The following ARIH1 variants were observed in gnomAD, a reference collection of about 807,000 sequenced individuals.
ARIH1 encodes the protein ariadne RBR E3 ubiquitin protein ligase 1, also known as E3 ubiquitin-protein ligase ARIH1.
In ARIH1, 8 loss-of-function variants were observed where a neutral mutation model predicts 85.0. The ratio of observed to expected loss-of-function variants is 0.09; its 90% confidence interval spans 0.06 to 0.17. The LOEUF is 0.17. ARIH1 is among the 10% of genes least tolerant of loss of function. ARIH1 has a pLI of 1.00. For synonymous variants in ARIH1, 238 were observed against 253.6 expected, an observed-to-expected ratio of 0.94 and a Z score of 0.59; for missense variants, 311 against 718.1, an observed-to-expected ratio of 0.43 and a Z score of 6.48.
At chr15:72,540,940 T>G (rs2064104325) in intron 2 of ARIH1, among the ~76,000 whole-genome samples, 1 of 152,040 alleles carries the variant, frequency 6.6e-6, no homozygotes. Flanking sequence ...ATAGTAAAAG[T>G]GTTGATGTGA....
intron 1 of ARIH1, among the ~76,000 whole-genome samples, chr15:72,484,037 G>A (rs2140392278): frequency 6.6e-6 from 1 of 152,016 alleles, no homozygotes; most frequent in East Asian, 1.9e-4. Flanking sequence ...GCCGGGCATG[G>A]TGGTGGGCGC....
intron 1 of ARIH1, among the ~76,000 whole-genome samples, chr15:72,508,446 A>G (rs73444736): frequency 0.039 from 5,864 of 152,306 alleles, 338 homozygotes; most frequent in African/African-American, 0.13. Context: ...TGGTGCTATA[A>G]TCATAAATTA....
At chr15:72,516,420 G>T (rs1047918869) in intron 1 of ARIH1, among the ~76,000 whole-genome samples, 1 of 33,112 alleles carries the variant, frequency 3.0e-5, no homozygotes, top group African/African-American at 4.0e-5. Flanking sequence ...TAATTTCTGA[G>T]TTCTTTTAAA....
chr15:72,571,890 A>T (rs2064249220), intron 10 of ARIH1, among the ~76,000 whole-genome samples: 1 of 152,164 alleles, frequency 6.6e-6, no homozygotes, highest in Non-Finnish European at 1.5e-5. Flanking sequence ...TATAGAGAGA[A>T]TTCAAACACT....
At position 72,474,691 on chromosome 15, in the gene ARIH1, A is replaced by G. The variant is rs890255198; in HGVS notation, c.52A>G (p.Ser18Gly). Residue 18 changes from serine to glycine, a missense_variant, in exon 1 of 14, where the codon AGT (serine) becomes GGT (glycine). Ser to Gly is a moderately conservative substitution (Grantham distance 56). Coordinates refer to ENST00000379887, the MANE Select transcript of ARIH1 (RefSeq NM_005744.5). The stretch of plus-strand genomic sequence containing the variant: ...CGAGTTCGACGAGGACGAGGAGTGC[A>G]GTGAGGAGGACAGCGGCGCCGAGGA... ...NYEFDEDEEC[S>G]EEDSGAEEEE... 1.3e-6 allele frequency: 2 copies of G among 1,573,968 alleles called. No individual in the cohort carries two copies. Among genetic ancestry groups the G allele is most frequent in the Non-Finnish European group, 1.7e-6 (2 of 1,161,542 alleles).
At position 72,526,147 on chromosome 15, in the gene ARIH1, T is replaced by C. The variant is rs181004130; in HGVS notation, c.443+8013T>C. ...TATTAAAGTGTCATTTCTCCTTATT[T>C]CGATATATTTAAAGATAAATCTTAT... On this transcript the variant is annotated intron_variant, in intron 2 of 13. Transcript: ENST00000379887. Among the ~76,000 whole-genome samples, 22 of 152,334 alleles carry C rather than the reference T, an allele frequency of 1.4e-4. No homozygotes were observed. In the East Asian group the frequency reaches 3.3e-3, roughly 23 times the overall value.
In ARIH1 at chr15:72,598,727, A is replaced by AAT. The variant is rs1212154654; in HGVS notation, c.*15436_*15437insTA. On this transcript the variant is annotated 3_prime_UTR_variant, in exon 14 of 14. Transcript: ENST00000379887. ...AGACTCCCTCTCAAAAAAAAAAAAA[A>AAT]AAATTTTTTTTTAAACACGTCTCAC... is the stretch of plus-strand genomic sequence containing the variant. 1 of 151,482 alleles carries AAT rather than the reference A, an allele frequency of 6.6e-6. No individual in the cohort carries two copies. The highest frequency in any genetic ancestry group is 2.4e-5 in the African/African-American group (1 of 41,306). 9.4% of individuals were successfully genotyped at this position (151,482 alleles called of 1,614,324 possible). A position where few individuals can be genotyped will look rare whatever the true frequency, so the allele number is the denominator to read the frequency against.
intron 1 of ARIH1, among the ~76,000 whole-genome samples, chr15:72,494,993 A>G (rs570067036): frequency 2.0e-5 from 3 of 152,286 alleles, no homozygotes; most frequent in East Asian, 3.9e-4. Context: ...GCTTTAAGCA[A>G]CTTTCATTTA....
rs1035558512 is a variant in ARIH1 at position 72,584,110 on chromosome 15, A to G, written c.*818A>G. ...TAGCACCTCTGGAAGACCTATCTAG[A>G]GCTCTTTCACTTTCCTGAGGTTATT... On this transcript the variant is annotated 3_prime_UTR_variant, in exon 14 of 14. Coordinates refer to ENST00000379887, the MANE Select transcript of ARIH1 (RefSeq NM_005744.5). 1 of 152,040 alleles carries G rather than the reference A, an allele frequency of 6.6e-6. No homozygotes were observed. The highest frequency in any genetic ancestry group is 2.1e-4 in the South Asian group (1 of 4,822). The allele number at this position is 152,040 out of a possible 1,614,324, so 9.4% of individuals were successfully genotyped here. A position where few individuals can be genotyped will look rare whatever the true frequency, so the allele number is the denominator to read the frequency against.
At chr15:72,568,377 A>G (rs1454508114) in intron 9 of ARIH1, among the ~76,000 whole-genome samples, 1 of 152,210 alleles carries the variant, frequency 6.6e-6, no homozygotes, top group Non-Finnish European at 1.5e-5. Flanking sequence ...GAATAAGGCA[A>G]TTATATTTTC....
intron 1 of ARIH1, among the ~76,000 whole-genome samples, chr15:72,517,429 A>ATT (rs386383464): frequency 2.0e-5 from 3 of 146,520 alleles, no homozygotes; most frequent in Non-Finnish European, 3.0e-5. Flanking sequence ...TTTAAAACAA[A>ATT]TTTTTTTTTT....
rs964513756 is a variant in ARIH1 at position 72,522,296 on chromosome 15, A to C, written c.443+4162A>C. 2.0e-5 allele frequency among the ~76,000 whole-genome samples: 3 copies of C among 152,178 alleles called. No individual in the cohort carries two copies. In the South Asian group the frequency reaches 6.2e-4, roughly 32 times the overall value. On this transcript the variant is annotated intron_variant, in intron 2 of 13. Coordinates refer to ENST00000379887, the MANE Select transcript of ARIH1 (RefSeq NM_005744.5). ...TGTGAGGCCAGGGAAGGCAGCTCAC[A>C]TGAGGCCAGGAGTTTGAGACCAGCC...
chr15:72,524,047 C>T (rs1163833606), intron 2 of ARIH1, among the ~76,000 whole-genome samples: 2 of 148,440 alleles, frequency 1.3e-5, no homozygotes, highest in Non-Finnish European at 3.0e-5. Flanking sequence ...CCCGGGCTCA[C>T]GCCATTCTCC....
chr15:72,563,221 C>A (rs565703239), intron 6 of ARIH1, among the ~76,000 whole-genome samples, 173 bp from the exon 7 acceptor site: 2 of 152,018 alleles, frequency 1.3e-5, no homozygotes, highest in Non-Finnish European at 2.9e-5. Flanking sequence ...TGGCTAAATT[C>A]TTTTTTCTTT....
chr15:72,479,608 C>T (rs1252885918), intron 1 of ARIH1, among the ~76,000 whole-genome samples: 1 of 152,062 alleles, frequency 6.6e-6, no homozygotes, highest in East Asian at 1.9e-4. Context: ...TGGGTTTCAC[C>T]ATGTTGGTCA....
intron 5 of ARIH1, among the ~76,000 whole-genome samples, chr15:72,559,914 T>G (rs2140431231): frequency 1.3e-5 from 2 of 152,352 alleles, no homozygotes; most frequent in South Asian, 4.1e-4. Flanking sequence ...TTTCCATTTT[T>G]TACGGAAATG....
intron 2 of ARIH1, among the ~76,000 whole-genome samples, chr15:72,533,454 T>C (rs1298319784): frequency 6.6e-6 from 1 of 152,180 alleles, no homozygotes; most frequent in Admixed American, 6.5e-5. Context: ...GACAATGTGA[T>C]TGTGTATTCA....
chr15:72,504,767 G>A (rs1028956349), intron 1 of ARIH1, among the ~76,000 whole-genome samples: 4 of 152,066 alleles, frequency 2.6e-5, no homozygotes, highest in Admixed American at 2.0e-4. Context: ...TTTGAAGTTG[G>A]GGTTTCACTG....
At chr15:72,536,830 T>C (rs567966049) in intron 2 of ARIH1, among the ~76,000 whole-genome samples, 360 of 152,324 alleles carry the variant, frequency 2.4e-3, no homozygotes, top group African/African-American at 8.3e-3. Context: ...TTCTTTTGCT[T>C]AGCAGTAAGC....
Sources: allele counts gnomAD v4.1 joint callset (sites outside exome capture counted in the v4.1 genomes callset), GRCh38; gene constraint gnomAD v4.1.1; transcripts MANE v1.5; gene names NCBI Gene and HGNC (gene_info 2026-07-23, HGNC 2026-07-21).